CNR2: variants seen among roughly 807,000 people sequenced by gnomAD.
CNR2 encodes cannabinoid receptor 2.
For missense variants in CNR2, 379 were observed against 439.9 expected, an observed-to-expected ratio of 0.86 and a Z score of 1.24; for synonymous variants, 172 against 182.2, an observed-to-expected ratio of 0.94 and a Z score of 0.45.
chr1:23,880,258 A>C (rs1194664920), intron 1 of CNR2, among the ~76,000 whole-genome samples: 1 of 146,630 alleles, frequency 6.8e-6, no homozygotes, highest in African/African-American at 2.5e-5. Flanking sequence ...GCTCACTGCA[A>C]CCTCCGCCTC....
Position 23,873,254 on chromosome 1 carries a change from T to TC in CNR2, c.*1280_*1281insG, listed in dbSNP as rs1639797102. Reference sequence around the variant, plus strand: ...CTGGGATCTATTTTATTTTATTTTTTTGAGACAGTCTTGCTCTGTCACCCA... The same window carrying TC: ...CTGGGATCTATTTTATTTTATTTTTTCTGAGACAGTCTTGCTCTGTCACCCA... On this transcript the variant is annotated 3_prime_UTR_variant, in exon 2 of 2. Transcript: ENST00000374472. 1.1e-5 allele frequency: 1 copy of TC among 87,748 alleles called. No individual in the cohort carries two copies. The highest frequency in any genetic ancestry group is 5.9e-5 in the African/African-American group (1 of 16,936). The allele number at this position is 87,748 out of a possible 1,614,324, so 5.4% of individuals were successfully genotyped here. A position where few individuals can be genotyped will look rare whatever the true frequency, so the allele number is the denominator to read the frequency against.
intron 1 of CNR2, among the ~76,000 whole-genome samples, chr1:23,909,246 G>A (rs928534819): frequency 6.6e-6 from 1 of 152,120 alleles, no homozygotes; most frequent in Admixed American, 6.5e-5. Flanking sequence ...GGCATTTGAG[G>A]TCTTTGCTGC....
At chr1:23,906,641 C>T (rs1224098867) in intron 1 of CNR2, among the ~76,000 whole-genome samples, 1 of 151,048 alleles carries the variant, frequency 6.6e-6, no homozygotes, top group African/African-American at 2.4e-5. Flanking sequence ...CAGCACTTCC[C>T]AAAGTGCTGG....
Position 23,875,405 on chromosome 1 carries a change from C to T in CNR2, c.213G>A (p.Leu71=), listed in dbSNP as rs1344013940. 4 of 1,614,242 alleles carry T rather than the reference C, an allele frequency of 2.5e-6. No homozygotes were observed. Among genetic ancestry groups the T allele is most frequent in the East Asian group, 2.2e-5 (1 of 44,874 alleles). Residue 71 remains leucine (L), a synonymous_variant, in exon 2 of 2, where the codon CTG becomes CTA. Transcript: ENST00000374472. ...SHQLRRKPSY[L]FIGSLAGADF... ...CAGCCCCAGCCAAGCTGCCAATGAA[C>T]AGGTATGAGGGCTTCCGGCGGAGTT...
At chr1:23,882,941 AAAT>A (rs1381397306) in intron 1 of CNR2, among the ~76,000 whole-genome samples, 1 of 152,168 alleles carries the variant, frequency 6.6e-6, no homozygotes, top group East Asian at 1.9e-4. Context: ...CAGAAGACAG[AAAT>A]AATAAGAGCA....
intron 1 of CNR2, among the ~76,000 whole-genome samples, chr1:23,903,140 G>T (rs1235809684): frequency 6.6e-6 from 1 of 150,996 alleles, no homozygotes; most frequent in African/African-American, 2.4e-5. Flanking sequence ...TACCACCCCC[G>T]CCCCTGCGAT....
In CNR2 at chr1:23,875,234, G is replaced by A. The variant is rs1165263752; in HGVS notation, c.384C>T (p.Ala128=). 2 of 1,614,186 alleles carry A rather than the reference G, an allele frequency of 1.2e-6. No individual in the cohort carries two copies. The highest frequency in any genetic ancestry group is 1.7e-6 in the Non-Finnish European group (2 of 1,180,032). ...AGCGCAGGCAGAGGTATCGGTCAAT[G>A]GCGGTCAGCAGGAGGCTACCCACAG... ...TASVGSLLLT[A]IDRYLCLRYP... The change falls in exon 2 of 2, where the codon GCC becomes GCT. Residue 128 remains alanine (A), a synonymous_variant. Coordinates refer to ENST00000374472, the MANE Select transcript of CNR2 (RefSeq NM_001841.3).
At chr1:23,905,973 T>C (rs1458039312) in intron 1 of CNR2, among the ~76,000 whole-genome samples, 1 of 152,170 alleles carries the variant, frequency 6.6e-6, no homozygotes, top group Non-Finnish European at 1.5e-5. Context: ...GTGGCCTGGA[T>C]TTCTAGTTCC....
chr1:23,895,010 A>G (rs1640255755), intron 1 of CNR2, among the ~76,000 whole-genome samples: 1 of 152,182 alleles, frequency 6.6e-6, no homozygotes, highest in South Asian at 2.1e-4. Context: ...ACCTGAGGTC[A>G]GGAGTTTGAG....
chr1:23,877,273 T>C (rs1178824835), intron 1 of CNR2, among the ~76,000 whole-genome samples: 1 of 152,012 alleles, frequency 6.6e-6, no homozygotes, highest in East Asian at 1.9e-4. Flanking sequence ...ATAAAATCAT[T>C]GAAAAAAGAG....
chr1:23,902,909 G>C (rs1402703504), intron 1 of CNR2, among the ~76,000 whole-genome samples: 6 of 151,120 alleles, frequency 4.0e-5, no homozygotes, highest in Non-Finnish European at 8.9e-5. Context: ...GTAGAGCTCC[G>C]CCGCCATCCT....
intron 1 of CNR2, among the ~76,000 whole-genome samples, chr1:23,912,226 C>G (rs1036515773): frequency 6.6e-6 from 1 of 152,190 alleles, no homozygotes; most frequent in Non-Finnish European, 1.5e-5. Context: ...CAGACCTGGA[C>G]GCTGACCCCA....
intron 1 of CNR2, among the ~76,000 whole-genome samples, chr1:23,899,931 GAGAAAGAAAGGAAAGA>G (rs2148468502): frequency 1.7e-4 from 1 of 5,796 alleles, no homozygotes; most frequent in African/African-American, 2.2e-4. Flanking sequence ...GAGAAAGAAA[GAGAAAGAAAGGAAAGA>G]GAAAGAAAGG....
chr1:23,894,449 GAA>G (rs1640243156), intron 1 of CNR2, among the ~76,000 whole-genome samples: 2 of 145,506 alleles, frequency 1.4e-5, no homozygotes, highest in Non-Finnish European at 3.0e-5. Flanking sequence ...TTAATAAAAG[GAA>G]GGAAGGAAGG....
chr1:23,900,862 C>T (rs1471092976), intron 1 of CNR2, among the ~76,000 whole-genome samples: 1 of 151,936 alleles, frequency 6.6e-6, no homozygotes, highest in Non-Finnish European at 1.5e-5. Flanking sequence ...GCCACGTTTC[C>T]AGCTACCAAC....
intron 1 of CNR2, among the ~76,000 whole-genome samples, chr1:23,905,576 A>T (rs920260232): frequency 6.6e-6 from 1 of 151,996 alleles, no homozygotes; most frequent in Non-Finnish European, 1.5e-5. Context: ...CCTGTTCTGT[A>T]GTTGGGGAAA....
At chr1:23,895,049 A>G (rs28735813) in intron 1 of CNR2, among the ~76,000 whole-genome samples, 24,590 of 151,956 alleles carry the variant, frequency 0.16, 2,226 homozygotes, top group East Asian at 0.35. Context: ...GCAAAACCCC[A>G]TCTCTACTAA....
intron 1 of CNR2, among the ~76,000 whole-genome samples, chr1:23,904,070 A>G (rs1181207028): frequency 6.6e-6 from 1 of 152,168 alleles, no homozygotes; most frequent in East Asian, 1.9e-4. Flanking sequence ...ACCAGATTCC[A>G]GAGTTCACAC....
At chr1:23,898,670 T>G (rs1640331962) in intron 1 of CNR2, among the ~76,000 whole-genome samples, 1 of 36,750 alleles carries the variant, frequency 2.7e-5, no homozygotes, top group Non-Finnish European at 5.5e-5. Context: ...TTTTTTTTTT[T>G]GAGACAAAGT....
Sources: allele counts gnomAD v4.1 joint callset (sites outside exome capture counted in the v4.1 genomes callset), GRCh38; gene constraint gnomAD v4.1.1; transcripts MANE v1.5; gene names NCBI Gene and HGNC (gene_info 2026-07-23, HGNC 2026-07-21).